ACKR2: variants seen among roughly 807,000 people sequenced by gnomAD.
The protein encoded by ACKR2 is atypical chemokine receptor 2.
For missense variants in ACKR2, 457 were observed against 477.3 expected (o/e 0.96, Z 0.40); for synonymous variants, 207 against 192.2 (o/e 1.08, Z -0.64).
chr3:42,851,749 C>T (rs1197126820), intron 2 of ACKR2, among the ~76,000 whole-genome samples: 2 of 152,166 alleles, frequency 1.3e-5, no homozygotes, highest in Non-Finnish European at 2.9e-5. Context: ...GGAGCTCAGG[C>T]ATTCCTTTCC....
chr3:42,824,363 A>C (rs1325038921), intron 2 of ACKR2, among the ~76,000 whole-genome samples: 1 of 152,204 alleles, frequency 6.6e-6, no homozygotes, highest in Admixed American at 6.5e-5. Flanking sequence ...ATATGAATAC[A>C]GAGGGCTGAC....
chr3:42,832,539 T>C (rs1700941522), intron 2 of ACKR2, among the ~76,000 whole-genome samples: 2 of 150,434 alleles, frequency 1.3e-5, no homozygotes, highest in East Asian at 1.9e-4. Context: ...AAAAAGAAAA[T>C]GTAGTGCTAT....
At chr3:42,824,902 A>G (rs6767710) in intron 2 of ACKR2, among the ~76,000 whole-genome samples, 33,086 of 152,122 alleles carry the variant, frequency 0.22, 4,480 homozygotes, top group Non-Finnish European at 0.31. Flanking sequence ...ATTGTTTTCC[A>G]ATGTGGCTGT....
At chr3:42,821,570 G>A (rs1470955812) in intron 2 of ACKR2, among the ~76,000 whole-genome samples, 1 of 152,190 alleles carries the variant, frequency 6.6e-6, no homozygotes, top group Non-Finnish European at 1.5e-5. Context: ...GGTTTCCATA[G>A]AGGCAGAGGT....
chr3:42,820,387 A>G (rs1354457757), intron 2 of ACKR2, among the ~76,000 whole-genome samples: 1 of 151,946 alleles, frequency 6.6e-6, no homozygotes, highest in Non-Finnish European at 1.5e-5. Context: ...AGGTCAGGAG[A>G]TCGAGACCAT....
In ACKR2 at chr3:42,816,561, A is replaced by AT. The variant is rs780879895; in HGVS notation, c.-118-3056dup. 2.2e-3 allele frequency among the ~76,000 whole-genome samples: 323 copies of AT among 143,756 alleles called. 1 individual carries two copies. The highest frequency in any genetic ancestry group is 4.3e-3 in the South Asian group (19 of 4,466). 94.3% of individuals were successfully genotyped at this position (143,756 alleles called of 152,430 possible). ...GTCAATGAACTGAGGCACTCAGTTC[A>AT]TTTTTTTTTTTTTTAAGGTAGAGTC... is the stretch of plus-strand genomic sequence containing the variant. On this transcript the variant is annotated intron_variant, in intron 1 of 2. Transcript: ENST00000422265.
intron 2 of ACKR2, among the ~76,000 whole-genome samples, chr3:42,824,091 C>A (rs935440520): frequency 6.6e-6 from 1 of 152,178 alleles, no homozygotes; most frequent in African/African-American, 2.4e-5. Flanking sequence ...ACTTGGGTCT[C>A]ATCCCATAGA....
chr3:42,813,300 A>G (rs1226194297), intron 1 of ACKR2, among the ~76,000 whole-genome samples: 2 of 152,216 alleles, frequency 1.3e-5, no homozygotes, highest in African/African-American at 4.8e-5. Context: ...AGTTTGCCCT[A>G]CATAATCTAT....
intron 2 of ACKR2, among the ~76,000 whole-genome samples, chr3:42,830,245 C>T (rs1408743123): frequency 6.6e-6 from 1 of 151,998 alleles, no homozygotes; most frequent in Non-Finnish European, 1.5e-5. Flanking sequence ...GGATGCTGGT[C>T]GTTAGCCTCT....
chr3:42,865,714 C>A lies in ACKR2; in HGVS notation c.*57C>A. The A allele has an allele frequency of 7.2e-7, 1 of 1,385,788 alleles. No individual in the cohort carries two copies. Among genetic ancestry groups the A allele is most frequent in the Non-Finnish European group, 1.0e-6 (1 of 1,003,996 alleles). The allele number at this position is 1,385,788 out of a possible 1,614,324, so 85.8% of individuals were successfully genotyped here. A position where few individuals can be genotyped will look rare whatever the true frequency, so the allele number is the denominator to read the frequency against. On this transcript the variant is annotated 3_prime_UTR_variant, in exon 3 of 3. Transcript: ENST00000422265. ...GGGAACCAGCTCAATTGGGTGTCCA[C>A]TCAAAGTGCTCTCTCCAGGGGCCTC... is the stretch of plus-strand genomic sequence containing the variant.
intron 2 of ACKR2, chr3:42,855,983 T>G (rs2088312623): frequency 5.6e-6 from 1 of 179,936 alleles, no homozygotes; most frequent in South Asian, 2.0e-4. Context: ...TTAATCAATG[T>G]CAACTCCTGA....
intron 2 of ACKR2, among the ~76,000 whole-genome samples, chr3:42,853,442 T>A (rs1467041854): frequency 6.6e-6 from 1 of 152,138 alleles, no homozygotes; most frequent in Non-Finnish European, 1.5e-5. Flanking sequence ...ATTATTGTTA[T>A]TTTTTTGAGA....
intron 2 of ACKR2, among the ~76,000 whole-genome samples, chr3:42,833,039 T>C (rs922821859): frequency 6.6e-6 from 1 of 152,146 alleles, no homozygotes; most frequent in Non-Finnish European, 1.5e-5. Context: ...AATTTTTGTG[T>C]TTTTTGTAGA....
chr3:42,850,389 A>G (rs1701141395), intron 2 of ACKR2, among the ~76,000 whole-genome samples: 1 of 152,162 alleles, frequency 6.6e-6, no homozygotes, highest in African/African-American at 2.4e-5. Context: ...ACCGAGGCCC[A>G]GAGAGGTGAA....
chr3:42,817,750 C>T (rs1700767426), intron 1 of ACKR2, among the ~76,000 whole-genome samples: 1 of 152,192 alleles, frequency 6.6e-6, no homozygotes, highest in Non-Finnish European at 1.5e-5. Context: ...GGTTTCCATT[C>T]TTGTCACGCT....
chr3:42,820,838 C>T (rs1700803558), intron 2 of ACKR2, among the ~76,000 whole-genome samples: 1 of 149,610 alleles, frequency 6.7e-6, no homozygotes, highest in South Asian at 2.1e-4. Flanking sequence ...CTTGTGAGTT[C>T]TCTAGGAATT....
At chr3:42,843,157 C>T (rs1701058124) in intron 2 of ACKR2, among the ~76,000 whole-genome samples, 1 of 151,762 alleles carries the variant, frequency 6.6e-6, no homozygotes, top group Non-Finnish European at 1.5e-5. Context: ...TCACTGCAAC[C>T]TCTGCCTCCC....
intron 2 of ACKR2, among the ~76,000 whole-genome samples, chr3:42,840,808 C>T (rs1246874255): frequency 6.6e-6 from 1 of 152,228 alleles, no homozygotes; most frequent in Non-Finnish European, 1.5e-5. Flanking sequence ...CTGCCTCAGC[C>T]TCCTGAGTAG....
chr3:42,864,501 A>G lies in ACKR2; in HGVS notation c.-2A>G, dbSNP rs764204521. 8.8e-6 allele frequency: 14 copies of G among 1,590,734 alleles called. No homozygotes were observed. Among genetic ancestry groups the G allele is most frequent in the African/African-American group, 2.7e-5 (2 of 74,548 alleles). On this transcript the variant is annotated 5_prime_UTR_variant, in exon 3 of 3. Coordinates refer to ENST00000422265, the MANE Select transcript of ACKR2 (RefSeq NM_001296.5). The stretch of plus-strand genomic sequence containing the variant: ...CGTCGGGACTGGGCATTTCCTTCCA[A>G]CATGGCCGCCACTGCCTCTCCGCAG...
Sources: gnomAD v4.1 joint callset for allele counts (sites outside exome capture counted in the v4.1 genomes callset) on GRCh38, gnomAD v4.1.1 for gene constraint, MANE v1.5 for transcripts, NCBI Gene and HGNC (gene_info 2026-07-23, HGNC 2026-07-21) for gene names.